The following KLHDC4 variants were observed in gnomAD, a reference collection of about 807,000 sequenced individuals.
KLHDC4 encodes kelch domain containing 4, also known as kelch domain-containing protein 4.
KLHDC4 carries 90 observed loss-of-function variants against 62.4 expected under a neutral mutation model. The ratio of observed to expected loss-of-function variants is 1.44; its 90% CI spans 1.22 to 1.72. The LOEUF (loss-of-function observed/expected upper bound fraction) is 1.72, where lower values mean the gene tolerates loss of function less well. KLHDC4 is among the 40% of genes most tolerant of loss of function. The pLI, the probability that KLHDC4 is intolerant of heterozygous loss-of-function variation, is 0.00. For missense variants in KLHDC4, 1,025 were observed against 699.7 expected (o/e 1.47, Z -5.25); for synonymous variants, 386 against 284.4 (o/e 1.36, Z -3.59).
Position 87,765,935 on chromosome 16 carries a change from G to A in KLHDC4, c.-45C>T, listed in dbSNP as rs1034047041. On this transcript the variant is annotated 5_prime_UTR_variant, in exon 1 of 12. Coordinates refer to ENST00000270583, the MANE Select transcript of KLHDC4 (RefSeq NM_017566.4). ...CGACGGGACACCAGGAAAGAAAACGGCCCGCGCTCTCCGCTCGGAAACAGG... is the reference window on the plus strand; with the variant it reads ...CGACGGGACACCAGGAAAGAAAACGACCCGCGCTCTCCGCTCGGAAACAGG... 14 of 1,528,332 alleles carry A rather than the reference G, an allele frequency of 9.2e-6. No individual in the cohort carries two copies. The highest frequency in any genetic ancestry group is 1.7e-4 in the Middle Eastern group (1 of 5,982). The allele number at this position is 1,528,332 out of a possible 1,614,324, so 94.7% of individuals were successfully genotyped here.
chr16:87,762,133 G>A (rs776569273), intron 1 of KLHDC4, 93 bp from the exon 2 acceptor site: 8 of 1,562,326 alleles, frequency 5.1e-6, no homozygotes, highest in Admixed American at 2.0e-5. Context: ...AGTGTGATTC[G>A]ACTGGGCTCA....
At chr16:87,720,965 A>C (rs1347518623) in intron 7 of KLHDC4, among the ~76,000 whole-genome samples, 1 of 152,180 alleles carries the variant, frequency 6.6e-6, no homozygotes, top group African/African-American at 2.4e-5. Flanking sequence ...GAACCGGGAC[A>C]AGGCCCTGCC....
chr16:87,704,486 G>A (rs111984624), downstream of KLHDC4, among the ~76,000 whole-genome samples: 67 of 118,050 alleles, frequency 5.7e-4, no homozygotes, highest in Non-Finnish European at 1.0e-3. Flanking sequence ...GGCGCCTGGG[G>A]AGGGTCCTGA....
chr16:87,763,305 T>A (rs918384015), intron 1 of KLHDC4, among the ~76,000 whole-genome samples: 2 of 152,222 alleles, frequency 1.3e-5, no homozygotes, highest in Admixed American at 6.5e-5. Context: ...TTTACATTTT[T>A]AAATGTCATT....
chr16:87,718,442 G>C (rs570004647), intron 7 of KLHDC4, among the ~76,000 whole-genome samples: 1 of 149,882 alleles, frequency 6.7e-6, no homozygotes, highest in Non-Finnish European at 1.5e-5. Flanking sequence ...CTGTACTGCC[G>C]CCATCTCGGC....
intron 2 of KLHDC4, among the ~76,000 whole-genome samples, chr16:87,756,714 G>C (rs1052304777): frequency 1.7e-4 from 19 of 112,782 alleles, no homozygotes; most frequent in Non-Finnish European, 3.1e-4. Context: ...GTGTCTGGTT[G>C]TATTAACAAA....
At chr16:87,714,696 A>G (rs1247610583) in intron 7 of KLHDC4, 123 bp from the exon 8 acceptor site, 8 of 981,490 alleles carry the variant, frequency 8.2e-6, no homozygotes, top group Non-Finnish European at 1.3e-5. Flanking sequence ...GACCAGCCCC[A>G]AAGCTCCAAA....
intron 1 of KLHDC4, chr16:87,765,071 C>G: frequency 2.2e-6 from 1 of 454,950 alleles, no homozygotes; most frequent in South Asian, 1.6e-5. Context: ...CTGACCTGCT[C>G]GTGAGGAGTA....
At chr16:87,717,632 TG>T (rs1324520004) in intron 7 of KLHDC4, among the ~76,000 whole-genome samples, 2 of 152,246 alleles carry the variant, frequency 1.3e-5, no homozygotes, top group Non-Finnish European at 2.9e-5. Flanking sequence ...AGTCTCTTTT[TG>T]TAACAGGTTG....
At chr16:87,735,720 T>C (rs959791999) in intron 5 of KLHDC4, among the ~76,000 whole-genome samples, 1 of 152,236 alleles carries the variant, frequency 6.6e-6, no homozygotes, top group Non-Finnish European at 1.5e-5. Flanking sequence ...CATTCCTAAA[T>C]ACGAAGTCTT....
chr16:87,731,524 G>C (rs546177586), intron 5 of KLHDC4, among the ~76,000 whole-genome samples: 1 of 152,076 alleles, frequency 6.6e-6, no homozygotes, highest in African/African-American at 2.4e-5. Context: ...GAGCGGTCAG[G>C]GAAACATATG....
intron 9 of KLHDC4, chr16:87,710,577 T>C (rs2035601109): frequency 6.6e-6 from 1 of 152,332 alleles, no homozygotes; most frequent in Admixed American, 6.5e-5. Context: ...AGGGGAAACC[T>C]GTGTAGACTC....
intron 6 of KLHDC4, among the ~76,000 whole-genome samples, chr16:87,727,711 A>G (rs1418933935): frequency 1.3e-5 from 2 of 152,218 alleles, no homozygotes; most frequent in Admixed American, 1.3e-4. Flanking sequence ...GTGAAAGCGT[A>G]AGGGGCTGCT....
chr16:87,730,452 G>A (rs1447288810), intron 6 of KLHDC4, 100 bp downstream of exon 6: 12 of 994,982 alleles, frequency 1.2e-5, no homozygotes, highest in Non-Finnish European at 1.3e-5. Flanking sequence ...GATTTGGGAG[G>A]ATGGGTGCGT....
chr16:87,701,689 C>G (rs2034150423), exon 1 of KLHDC4: 1 of 456,712 alleles, frequency 2.2e-6, no homozygotes, highest in Admixed American at 2.3e-5. Flanking sequence ...GATAAACATC[C>G]TGTCTCAGAC....
chr16:87,726,894 G>T lies in KLHDC4; in HGVS notation c.630C>A (p.Ala210=), dbSNP rs377125706. Reference sequence around the variant, plus strand: ...TCCATGTGAAGGTGTCCAGATTAAAGGCATACACGTCGTTGTAGTAGATGT... The same window carrying T: ...TCCATGTGAAGGTGTCCAGATTAAATGCATACACGTCGTTGTAGTAGATGT... ...RDYIYYNDVY[A]FNLDTFTWSK... The change falls in exon 7 of 12, where the codon GCC becomes GCA. Residue 210 remains alanine, a synonymous_variant. Coordinates refer to ENST00000270583, the MANE Select transcript of KLHDC4 (RefSeq NM_017566.4). 2.4e-5 allele frequency: 39 copies of T among 1,613,864 alleles called. No homozygotes were observed. The highest frequency in any genetic ancestry group is 3.3e-5 in the Non-Finnish European group (39 of 1,179,954).
At chr16:87,711,757 A>C (rs1482054315) in intron 8 of KLHDC4, among the ~76,000 whole-genome samples, 2 of 151,470 alleles carry the variant, frequency 1.3e-5, no homozygotes, top group Non-Finnish European at 2.9e-5. Flanking sequence ...CTAGACACAC[A>C]GAGGGGCTTC....
chr16:87,701,852 T>A (rs905462643), exon 1 of KLHDC4: 14 of 456,476 alleles, frequency 3.1e-5, no homozygotes, highest in African/African-American at 2.2e-4. Flanking sequence ...ACAGCTGCCA[T>A]CCACACCGAG....
rs1410505512 is a variant in KLHDC4 at position 87,714,392 on chromosome 16, G to C, written c.835+106C>G. Reference sequence around the variant, plus strand: ...TCGGCAGGCCCTCCGCTCCGGGCAGGGTGCAGGGGCTCACCGCCAGCCCCA... The same window carrying C: ...TCGGCAGGCCCTCCGCTCCGGGCAGCGTGCAGGGGCTCACCGCCAGCCCCA... On this transcript the variant is annotated intron_variant, in intron 8 of 11. Coordinates refer to ENST00000270583, the MANE Select transcript of KLHDC4 (RefSeq NM_017566.4). 19 of 1,272,176 alleles carry C rather than the reference G, an allele frequency of 1.5e-5. 1 individual carries two copies. The highest frequency in any genetic ancestry group is 2.7e-5 in the South Asian group (2 of 74,212). The allele number at this position is 1,272,176 out of a possible 1,614,324, so 78.8% of individuals were successfully genotyped here. A position where few individuals can be genotyped will look rare whatever the true frequency, so the allele number is the denominator to read the frequency against.
Sources: gnomAD v4.1 joint callset for allele counts (sites outside exome capture counted in the v4.1 genomes callset) on GRCh38, gnomAD v4.1.1 for gene constraint, MANE v1.5 for transcripts, NCBI Gene and HGNC (gene_info 2026-07-23, HGNC 2026-07-21) for gene names.